PRPF18: variants seen among roughly 807,000 people sequenced by gnomAD.
The protein encoded by PRPF18 is pre-mRNA processing factor 18.
A neutral mutation model predicts 46.5 loss-of-function variants in PRPF18; 38 were observed. The observed-to-expected ratio is 0.82, with a 90% confidence interval of 0.63 to 1.07. The LOEUF (loss-of-function observed/expected upper bound fraction) is 1.07, where lower values mean the gene tolerates loss of function less well. PRPF18 is among the 50% of genes least tolerant of loss of function. The pLI is 0.00. For missense variants in PRPF18, 263 were observed against 410.0 expected (o/e 0.64, Z 3.10); for synonymous variants, 152 against 146.7 (o/e 1.04, Z -0.26).
intron 3 of PRPF18, among the ~76,000 whole-genome samples, chr10:13,602,916 A>G (rs1327379304): frequency 1.3e-5 from 2 of 152,192 alleles, no homozygotes; most frequent in African/African-American, 2.4e-5. Flanking sequence ...TATTTTTAGT[A>G]GAAACGAGGT....
intron 6 of PRPF18, among the ~76,000 whole-genome samples, chr10:13,611,933 G>A (rs1246023252): frequency 1.3e-5 from 2 of 150,194 alleles, no homozygotes; most frequent in Non-Finnish European, 3.0e-5. Context: ...AAGCTGGGGT[G>A]CAGTGGTGTA....
chr10:13,638,015 A>C, the PRPF18 span: 2 of 152,240 alleles, frequency 1.3e-5, no homozygotes, highest in African/African-American at 4.8e-5. Flanking sequence ...TTTGTTTAGA[A>C]CTGTAATATG....
chr10:13,635,774 C>CA (rs1564468295), downstream of PRPF18, among the ~76,000 whole-genome samples: 1 of 152,012 alleles, frequency 6.6e-6, no homozygotes, highest in African/African-American at 2.4e-5. Context: ...AAGCAATTAT[C>CA]AGTAGAATTA....
At chr10:13,633,152 A>T (rs148071471), downstream of PRPF18, among the ~76,000 whole-genome samples, 11 of 152,322 alleles carry the variant, frequency 7.2e-5, no homozygotes, top group African/African-American at 2.4e-4. Context: ...AAGATAATTG[A>T]CATGTGGAAA....
chr10:13,595,934 T>TA (rs2080029642), intron 1 of PRPF18, among the ~76,000 whole-genome samples: 2 of 152,216 alleles, frequency 1.3e-5, no homozygotes, highest in Admixed American at 1.3e-4. Context: ...CATGTTCCTT[T>TA]AAAACCAAAA....
At chr10:13,624,360 G>A (rs1424057432) in intron 9 of PRPF18, among the ~76,000 whole-genome samples, 2 of 152,216 alleles carry the variant, frequency 1.3e-5, no homozygotes, top group African/African-American at 4.8e-5. Flanking sequence ...AATATTGTAT[G>A]GGAGGCAGTC....
rs747290512 is a variant in PRPF18 at position 13,613,997 on chromosome 10, CTTAT to C, written c.721-11_721-8del. 7.0e-6 allele frequency: 11 copies of C among 1,561,278 alleles called. No homozygotes were observed. The South Asian group carries it at 7.2e-5, about 10-fold the overall frequency. On this transcript the variant is annotated splice_polypyrimidine_tract_variant and intron_variant, in intron 7 of 9. Coordinates refer to ENST00000378572, the MANE Select transcript of PRPF18 (RefSeq NM_003675.4). ...CTATACATAGTAGCTTCCAAAATTTCTTATTTATTTTTTTCAGAATCTTCCTGCT... is the reference window on the plus strand; with the variant it reads ...CTATACATAGTAGCTTCCAAAATTTCTTATTTTTTTCAGAATCTTCCTGCT...
At chr10:13,610,681 G>A (rs2080257298) in intron 5 of PRPF18, among the ~76,000 whole-genome samples, 1 of 152,156 alleles carries the variant, frequency 6.6e-6, no homozygotes, top group Non-Finnish European at 1.5e-5. Flanking sequence ...ATTGTTCCCA[G>A]CTCTCTCCTA....
At position 13,587,081 on chromosome 10, in the gene PRPF18, G is replaced by A. The variant is rs200277491; in HGVS notation, c.-6G>A. On this transcript the variant is annotated 5_prime_UTR_variant, in exon 1 of 10. Transcript: ENST00000378572. Reference sequence around the variant, plus strand: ...GGGAAACTGGAGCTTAAATTCTGGCGGCGAGATGGACATTCTGAAATCAGA... The same window carrying A: ...GGGAAACTGGAGCTTAAATTCTGGCAGCGAGATGGACATTCTGAAATCAGA... 2.5e-6 allele frequency: 4 copies of A among 1,614,008 alleles called. No individual in the cohort carries two copies. Among genetic ancestry groups the A allele is most frequent in the Non-Finnish European group, 3.4e-6 (4 of 1,179,852 alleles).
intron 8 of PRPF18, 31 bp downstream of exon 8, chr10:13,614,117 T>TTC: frequency 6.8e-7 from 1 of 1,471,758 alleles, no homozygotes; most frequent in Non-Finnish European, 9.3e-7. Flanking sequence ...TTGAAATTGT[T>TTC]AAGAGTATAT....
intron 9 of PRPF18, among the ~76,000 whole-genome samples, chr10:13,620,987 A>G (rs540913156): frequency 1.2e-4 from 19 of 152,330 alleles, no homozygotes; most frequent in African/African-American, 4.6e-4. Flanking sequence ...GTCTTTGTTC[A>G]TTCTTCCAAA....
intron 1 of PRPF18, among the ~76,000 whole-genome samples, chr10:13,591,087 C>G (rs2079954608): frequency 6.6e-6 from 1 of 152,178 alleles, no homozygotes; most frequent in Non-Finnish European, 1.5e-5. Flanking sequence ...ATTCCTGTGG[C>G]CAGCCGGGAT....
intron 1 of PRPF18, among the ~76,000 whole-genome samples, chr10:13,587,773 G>A (rs186561156): frequency 2.4e-4 from 36 of 152,362 alleles, no homozygotes; most frequent in East Asian, 5.8e-4. Context: ...ACACCCTGTG[G>A]AGTGCTTTCT....
At chr10:13,595,401 T>C (rs554125347) in intron 1 of PRPF18, among the ~76,000 whole-genome samples, 2 of 50,796 alleles carry the variant, frequency 3.9e-5, no homozygotes, top group East Asian at 2.2e-3. Flanking sequence ...TTCCTTTCTT[T>C]CTACACAGCC....
the PRPF18 span, chr10:13,644,273 C>T: frequency 2.6e-5 from 4 of 152,308 alleles, no homozygotes; most frequent in African/African-American, 9.6e-5. Flanking sequence ...AGACCAAGGA[C>T]TTCGTATTTC....
chr10:13,650,214 ATTTT>A, the PRPF18 span, among the ~76,000 whole-genome samples: 5 of 152,094 alleles, frequency 3.3e-5, no homozygotes, highest in Non-Finnish European at 5.9e-5. Context: ...AAACTGAATT[ATTTT>A]TTTAAACGTA....
At chr10:13,614,112 ATTG>A (rs1340620462) in intron 8 of PRPF18, 26 bp downstream of exon 8, 10 of 1,502,602 alleles carry the variant, frequency 6.7e-6, no homozygotes, top group Non-Finnish European at 9.1e-6. Flanking sequence ...GTTCTTTGAA[ATTG>A]TTAAGAGTAT....
intron 1 of PRPF18, among the ~76,000 whole-genome samples, chr10:13,594,017 C>T (rs1201809706): frequency 6.6e-6 from 1 of 152,140 alleles, no homozygotes; most frequent in Admixed American, 6.5e-5. Flanking sequence ...GCATGGAGAA[C>T]GCCAAGTGGA....
rs147526357 is a variant in PRPF18 at position 13,602,673 on chromosome 10, A to G, written c.249+2325A>G. Among the ~76,000 whole-genome samples, 179 of 152,260 alleles carry G rather than the reference A, an allele frequency of 1.2e-3. 1 individual carries two copies. The highest frequency in any genetic ancestry group is 4.1e-3 in the African/African-American group (169 of 41,578). The stretch of plus-strand genomic sequence containing the variant: ...TTAATTTTGTATCTCAAATGAGTAT[A>G]TATTAACTTCATAGTCAAAATACTT... On this transcript the variant is annotated intron_variant, in intron 3 of 9. Coordinates refer to ENST00000378572, the MANE Select transcript of PRPF18 (RefSeq NM_003675.4).
Sources: gnomAD v4.1 joint callset for allele counts (sites outside exome capture counted in the v4.1 genomes callset) on GRCh38, gnomAD v4.1.1 for gene constraint, MANE v1.5 for transcripts, NCBI Gene and HGNC (gene_info 2026-07-23, HGNC 2026-07-21) for gene names.